PPP1CB: variants seen among roughly 807,000 people sequenced by gnomAD.
PPP1CB encodes serine/threonine-protein phosphatase PP1-beta catalytic subunit.
PPP1CB carries 2 observed loss-of-function variants against 43.7 expected under a neutral mutation model. The ratio of observed to expected loss-of-function variants is 0.05; its 90% confidence interval spans 0.02 to 0.14. The LOEUF is 0.14. PPP1CB is among the 10% of genes least tolerant of loss of function. PPP1CB has a pLI of 1.00. For missense variants in PPP1CB, 84 were observed against 398.0 expected (o/e 0.21, Z 6.71); for synonymous variants, 136 against 135.6 (o/e 1.00, Z -0.02).
At chr2:28,781,932 G>A in intron 4 of PPP1CB, 90 bp downstream of exon 4, 1 of 888,042 alleles carries the variant, frequency 1.1e-6, no homozygotes, top group Non-Finnish European at 1.9e-6. Flanking sequence ...GGAAAACAAA[G>A]CAGTGCTTGT....
intron 3 of PPP1CB, among the ~76,000 whole-genome samples, chr2:28,780,269 G>A (rs1366507870): frequency 6.6e-6 from 1 of 151,798 alleles, no homozygotes; most frequent in African/African-American, 2.4e-5. Flanking sequence ...TGTATATTTA[G>A]TAGTAGAGAT....
chr2:28,754,896 A>G (rs1666447413), intron 1 of PPP1CB, among the ~76,000 whole-genome samples: 1 of 152,196 alleles, frequency 6.6e-6, no homozygotes, highest in African/African-American at 2.4e-5. Context: ...TCATTTTAAA[A>G]TGCTGATTGT....
chr2:28,759,027 A>G (rs961691737), intron 1 of PPP1CB, among the ~76,000 whole-genome samples: 5 of 152,242 alleles, frequency 3.3e-5, no homozygotes, highest in African/African-American at 4.8e-5. Flanking sequence ...TGGTTTGAGT[A>G]TAGTCATATG....
chr2:28,757,341 G>C (rs569545236), intron 1 of PPP1CB, among the ~76,000 whole-genome samples: 2 of 152,192 alleles, frequency 1.3e-5, no homozygotes, highest in South Asian at 4.1e-4. Flanking sequence ...ATCAACATTT[G>C]TGTAGAAGTT....
At chr2:28,769,762 T>G (rs1425170135) in intron 1 of PPP1CB, among the ~76,000 whole-genome samples, 1 of 151,986 alleles carries the variant, frequency 6.6e-6, no homozygotes, top group East Asian at 1.9e-4. Context: ...CAGTCAAAAG[T>G]GTATTTGTAA....
intron 6 of PPP1CB, among the ~76,000 whole-genome samples, chr2:28,789,333 T>G (rs1667337673): frequency 6.6e-6 from 1 of 151,710 alleles, no homozygotes. Flanking sequence ...AAAATGAGAT[T>G]CCATCTCTAC....
At position 28,752,868 on chromosome 2, in the gene PPP1CB, C is replaced by T. The variant is rs189788208; in HGVS notation, c.52+692C>T. Among the ~76,000 whole-genome samples, 241 of 152,306 alleles carry T rather than the reference C, an allele frequency of 1.6e-3. 1 individual carries two copies. The highest frequency in any genetic ancestry group is 5.7e-3 in the African/African-American group (236 of 41,556). On this transcript the variant is annotated intron_variant, in intron 1 of 7. Transcript: ENST00000395366. ...TAGATGGGTTTGCTGAAGGGATTGGCTTTTGCATTTGATTTGAGCAGAGCT... is the reference window on the plus strand; with the variant it reads ...TAGATGGGTTTGCTGAAGGGATTGGTTTTTGCATTTGATTTGAGCAGAGCT...
chr2:28,764,472 AAAG>A (rs1382199795), intron 1 of PPP1CB, among the ~76,000 whole-genome samples: 3 of 152,040 alleles, frequency 2.0e-5, no homozygotes, highest in South Asian at 2.1e-4. Context: ...AAAAAAAAAA[AAAG>A]AGAGACTCCA....
At chr2:28,793,286 T>A (rs1667425906) in intron 6 of PPP1CB, among the ~76,000 whole-genome samples, 1 of 152,194 alleles carries the variant, frequency 6.6e-6, no homozygotes, top group Admixed American at 6.5e-5. Context: ...TAAACTCAAC[T>A]TAGTAATGTT....
chr2:28,782,668 A>G (rs1667179490), intron 4 of PPP1CB: 1 of 152,158 alleles, frequency 6.6e-6, no homozygotes, highest in African/African-American at 2.4e-5. Context: ...ACATGCTGGG[A>G]AATGATGGAA....
At chr2:28,758,968 T>A (rs1666553962) in intron 1 of PPP1CB, among the ~76,000 whole-genome samples, 1 of 152,252 alleles carries the variant, frequency 6.6e-6, no homozygotes, top group African/African-American at 2.4e-5. Context: ...TATCCCTAAG[T>A]AACAGAAGTT....
chr2:28,793,760 G>A, intron 6 of PPP1CB, 103 bp from the exon 7 acceptor site: 9 of 1,275,618 alleles, frequency 7.1e-6, no homozygotes, highest in South Asian at 4.6e-5. Flanking sequence ...GTGGTTTGGG[G>A]GTGAGGTGGG....
chr2:28,752,047 C>T lies in PPP1CB; in HGVS notation c.-78C>T. The T allele has an allele frequency of 7.1e-7, 1 of 1,405,838 alleles. No homozygotes were observed. The highest frequency in any genetic ancestry group is 9.8e-7 in the Non-Finnish European group (1 of 1,015,604). The allele number at this position is 1,405,838 out of a possible 1,614,324, so 87.1% of individuals were successfully genotyped here. Reference sequence around the variant, plus strand: ...GCCGCGTGACTTGTAGGTGAGAGAACGCCGAGCCGTCGCCGCAGCCTCCGC... The same window carrying T: ...GCCGCGTGACTTGTAGGTGAGAGAATGCCGAGCCGTCGCCGCAGCCTCCGC... On this transcript the variant is annotated 5_prime_UTR_variant, in exon 1 of 8. The change creates a new upstream start codon in the 5' untranslated region. Transcript: ENST00000395366.
At chr2:28,752,234 C>G in intron 1 of PPP1CB, 58 bp downstream of exon 1, 2 of 1,441,896 alleles carry the variant, frequency 1.4e-6, no homozygotes, top group Admixed American at 2.2e-5. Flanking sequence ...CCGACCCCTG[C>G]GTCCCCGTCT....
intron 1 of PPP1CB, among the ~76,000 whole-genome samples, chr2:28,770,518 T>A (rs1305895881): frequency 6.6e-6 from 1 of 151,992 alleles, no homozygotes; most frequent in South Asian, 2.1e-4. Flanking sequence ...CATTATATAA[T>A]GCTAAAAGGA....
At chr2:28,795,091 G>A (rs942155147) in intron 7 of PPP1CB, among the ~76,000 whole-genome samples, 10 of 152,234 alleles carry the variant, frequency 6.6e-5, no homozygotes, top group African/African-American at 1.9e-4. Context: ...AGAATATGTG[G>A]TATTTGATTT....
intron 1 of PPP1CB, among the ~76,000 whole-genome samples, chr2:28,769,693 A>C (rs1483830324): frequency 6.6e-6 from 1 of 152,222 alleles, no homozygotes; most frequent in Non-Finnish European, 1.5e-5. Context: ...TGGGATTTAA[A>C]ATATGTGGAA....
At chr2:28,768,334 T>A (rs1666827827) in intron 1 of PPP1CB, among the ~76,000 whole-genome samples, 1 of 152,044 alleles carries the variant, frequency 6.6e-6, no homozygotes, top group East Asian at 1.9e-4. Flanking sequence ...ACTAAAGCAA[T>A]TGAAGCTTAA....
chr2:28,794,443 C>G (rs987197792), intron 7 of PPP1CB, among the ~76,000 whole-genome samples: 7 of 152,166 alleles, frequency 4.6e-5, no homozygotes, highest in Admixed American at 4.6e-4. Flanking sequence ...GTAATCCCAG[C>G]ACTTCGGGAG....
Sources: gnomAD v4.1 joint callset for allele counts (sites outside exome capture counted in the v4.1 genomes callset) on GRCh38, gnomAD v4.1.1 for gene constraint, MANE v1.5 for transcripts, NCBI Gene and HGNC (gene_info 2026-07-23, HGNC 2026-07-21) for gene names.